Variants in SLIT2 observed in about 807,000 individuals in gnomAD.
SLIT2 encodes the protein slit homolog 2 protein.
In SLIT2, 41 loss-of-function variants were observed where a neutral mutation model predicts 185.7. The ratio of observed to expected loss-of-function variants is 0.22; its 90% CI spans 0.17 to 0.29. The LOEUF (loss-of-function observed/expected upper bound fraction) is 0.29. Among genes scored for constraint, SLIT2 ranks in the 10% least tolerant of loss-of-function variants. The pLI is 1.00. For synonymous variants in SLIT2, 693 were observed against 680.2 expected (o/e 1.02, Z -0.29); for missense variants, 1,571 against 1,909.0 (o/e 0.82, Z 3.30).
At chr4:20,262,458 T>G (rs1015781045) in intron 3 of SLIT2, among the ~76,000 whole-genome samples, 3 of 151,844 alleles carry the variant, frequency 2.0e-5, no homozygotes, top group Non-Finnish European at 4.4e-5. Context: ...ATTAGTCTCT[T>G]CTGACTAATC....
intron 4 of SLIT2, among the ~76,000 whole-genome samples, chr4:20,441,965 C>T: frequency 6.6e-6 from 1 of 151,892 alleles, no homozygotes; most frequent in East Asian, 1.9e-4. Context: ...TTTAATAAAA[C>T]AAGAATATGG....
chr4:20,598,490 AAG>A, intron 33 of SLIT2, 95 bp downstream of exon 33: 1 of 1,454,412 alleles, frequency 6.9e-7, no homozygotes, highest in Non-Finnish European at 9.5e-7. Context: ...GAGAGAGACT[AAG>A]TTGGCCCCAG....
At chr4:20,452,857 G>A (rs1245799120) in intron 4 of SLIT2, among the ~76,000 whole-genome samples, 1 of 152,206 alleles carries the variant, frequency 6.6e-6, no homozygotes, top group Non-Finnish European at 1.5e-5. Flanking sequence ...AGAGCAGGTG[G>A]CAGGGATGCT....
At position 20,252,226 on chromosome 4, in the gene SLIT2, C is replaced by A. The variant is rs1407055591; in HGVS notation, c.-1590C>A. ...GAACAACTCCAGTTACGACAACAAC[C>A]CACCTTCCTTCCAGACAAGCGAGAC... On this transcript the variant is annotated 5_prime_UTR_variant, in exon 1 of 37. Transcript: ENST00000504154. Among the ~76,000 whole-genome samples, 1 of 152,154 alleles carries A rather than the reference C, an allele frequency of 6.6e-6. No homozygotes were observed. Among genetic ancestry groups the A allele is most frequent in the Non-Finnish European group, 1.5e-5 (1 of 68,030 alleles).
At chr4:20,536,227 A>C (rs1722267783) in intron 18 of SLIT2, among the ~76,000 whole-genome samples, 1 of 152,188 alleles carries the variant, frequency 6.6e-6, no homozygotes, top group Non-Finnish European at 1.5e-5. Flanking sequence ...ACGTGAGGGC[A>C]TAAGACATTA....
At chr4:20,612,245 G>GAAAAAAAA (rs139866324) in intron 34 of SLIT2, among the ~76,000 whole-genome samples, 2 of 56,210 alleles carry the variant, frequency 3.6e-5, no homozygotes, top group Non-Finnish European at 7.5e-5. Flanking sequence ...ACTATCTCAA[G>GAAAAAAAA]AAAAAAAAAA....
chr4:20,530,098 A>ATTT (rs34101661), intron 16 of SLIT2, among the ~76,000 whole-genome samples: 27,383 of 147,864 alleles, frequency 0.19, 2,774 homozygotes, highest in Middle Eastern at 0.24. Flanking sequence ...AGTTATAGTG[A>ATTT]TTTTTTTTTT....
intron 4 of SLIT2, among the ~76,000 whole-genome samples, chr4:20,465,155 A>C (rs896228179): frequency 6.6e-6 from 1 of 152,210 alleles, no homozygotes; most frequent in African/African-American, 2.4e-5. Flanking sequence ...ACTGAGATTA[A>C]GTAGCTCCTG....
intron 29 of SLIT2, among the ~76,000 whole-genome samples, chr4:20,581,013 G>A (rs941827387): frequency 6.6e-6 from 1 of 152,196 alleles, no homozygotes; most frequent in Non-Finnish European, 1.5e-5. Context: ...ATTCCCCGCT[G>A]TAAACTTCCA....
intron 4 of SLIT2, among the ~76,000 whole-genome samples, chr4:20,290,262 C>T (rs867390038): frequency 6.6e-6 from 1 of 152,240 alleles, no homozygotes. Flanking sequence ...GTCAGCCCTT[C>T]GTGTCTGTGG....
chr4:20,480,471 G>A lies in SLIT2; in HGVS notation c.468-245G>A, dbSNP rs1407004521. On this transcript the variant is annotated intron_variant, in intron 5 of 36. Transcript: ENST00000504154. Reference sequence around the variant, plus strand: ...GCATTCCTATGGCATTTAATATAAGGTGCAGTTATTATTTACTGGAGCTTT... The same window carrying A: ...GCATTCCTATGGCATTTAATATAAGATGCAGTTATTATTTACTGGAGCTTT... 2.6e-5 allele frequency among the ~76,000 whole-genome samples: 4 copies of A among 152,264 alleles called. No homozygotes were observed. The East Asian group carries it at 5.8e-4, about 22-fold the overall frequency.
chr4:20,587,031 C>CTT (rs386399451), intron 29 of SLIT2, among the ~76,000 whole-genome samples: 14 of 144,972 alleles, frequency 9.7e-5, no homozygotes, highest in African/African-American at 3.3e-4. Context: ...AAAATCAAAT[C>CTT]TTTTTTTTTT....
intron 4 of SLIT2, among the ~76,000 whole-genome samples, chr4:20,301,340 T>A (rs1717018381): frequency 6.6e-6 from 1 of 152,182 alleles, no homozygotes; most frequent in South Asian, 2.1e-4. Flanking sequence ...GAATGTCTCT[T>A]TTTTGCAATG....
intron 4 of SLIT2, among the ~76,000 whole-genome samples, chr4:20,448,428 C>T (rs952856968): frequency 6.6e-6 from 1 of 151,974 alleles, no homozygotes; most frequent in African/African-American, 2.4e-5. Context: ...TCAAGTGATT[C>T]TTGTGCCTCA....
At chr4:20,417,436 G>GTGTGTA (rs1553898364) in intron 4 of SLIT2, among the ~76,000 whole-genome samples, 5 of 123,678 alleles carry the variant, frequency 4.0e-5, no homozygotes, top group African/African-American at 1.2e-4. Flanking sequence ...ATGTGTGTGT[G>GTGTGTA]TATATATATA....
intron 26 of SLIT2, among the ~76,000 whole-genome samples, chr4:20,566,738 T>C (rs1725122638): frequency 6.6e-6 from 1 of 152,038 alleles, no homozygotes; most frequent in South Asian, 2.1e-4. Flanking sequence ...AAAGTGGCAC[T>C]GTTTTGTATC....
chr4:20,253,528 C>T lies in SLIT2; in HGVS notation c.-288C>T, dbSNP rs1385030626. 4.2e-6 allele frequency: 2 copies of T among 475,420 alleles called. No individual in the cohort carries two copies. The highest frequency in any genetic ancestry group is 7.6e-6 in the Non-Finnish European group (2 of 264,844). The allele number at this position is 475,420 out of a possible 1,614,324, so 29.5% of individuals were successfully genotyped here. A position where few individuals can be genotyped will look rare whatever the true frequency, so the allele number is the denominator to read the frequency against. On this transcript the variant is annotated 5_prime_UTR_variant, in exon 1 of 37. Transcript: ENST00000504154. ...GACAGAAGACGCGTGATCTCCTCTCCGCTGCTCTTGGGGTCTCCTTGCAGC... is the reference window on the plus strand; with the variant it reads ...GACAGAAGACGCGTGATCTCCTCTCTGCTGCTCTTGGGGTCTCCTTGCAGC...
intron 9 of SLIT2, among the ~76,000 whole-genome samples, chr4:20,498,713 C>G (rs927143520): frequency 6.6e-6 from 1 of 152,072 alleles, no homozygotes; most frequent in Non-Finnish European, 1.5e-5. Flanking sequence ...TTCAGGGGCT[C>G]CAGCTCCATC....
chr4:20,437,175 TC>T (rs940583176), intron 4 of SLIT2, among the ~76,000 whole-genome samples: 1 of 152,052 alleles, frequency 6.6e-6, no homozygotes, highest in Non-Finnish European at 1.5e-5. Flanking sequence ...TACCATTGCC[TC>T]CCCCGCATCT....
Sources: gnomAD v4.1 joint callset for allele counts (sites outside exome capture counted in the v4.1 genomes callset) on GRCh38, gnomAD v4.1.1 for gene constraint, MANE v1.5 for transcripts, NCBI Gene and HGNC (gene_info 2026-07-23, HGNC 2026-07-21) for gene names.